The following ASTN2 variants were observed in gnomAD, a reference collection of about 807,000 sequenced individuals.
The protein encoded by ASTN2 is astrotactin 2, also known as astrotactin-2.
A neutral mutation model predicts 139.8 loss-of-function variants in ASTN2; 54 were observed. The ratio of observed to expected loss-of-function variants is 0.39; its 90% CI spans 0.31 to 0.48. ASTN2 has a LOEUF of 0.48. Ranked by LOEUF, ASTN2 falls within the 20% of genes least tolerant of loss-of-function variation. The pLI is 0.95. For missense variants in ASTN2, 1,565 were observed against 1,725.1 expected (o/e 0.91, Z 1.64); for synonymous variants, 756 against 719.5 (o/e 1.05, Z -0.81).
At chr9:116,543,558 G>C (rs1387921779) in intron 19 of ASTN2, 1 of 152,094 alleles carries the variant, frequency 6.6e-6, no homozygotes, top group Non-Finnish European at 1.5e-5. Context: ...AGTTCCACAA[G>C]GTAAAATAAC....
chr9:116,556,172 G>C (rs943255249), intron 19 of ASTN2, among the ~76,000 whole-genome samples: 1 of 152,224 alleles, frequency 6.6e-6, no homozygotes, highest in African/African-American at 2.4e-5. Context: ...GAAGCACGAG[G>C]AGTGCTCTGA....
At chr9:116,887,151 A>G (rs1242828648) in intron 10 of ASTN2, among the ~76,000 whole-genome samples, 1 of 152,124 alleles carries the variant, frequency 6.6e-6, no homozygotes, top group East Asian at 1.9e-4. Context: ...AGGTTGTTGG[A>G]TAGATTAAAT....
chr9:116,677,403 TTG>T (rs1397381513), intron 16 of ASTN2, among the ~76,000 whole-genome samples: 1 of 152,212 alleles, frequency 6.6e-6, no homozygotes, highest in Non-Finnish European at 1.5e-5. Context: ...CTGTTTTGCA[TTG>T]TGTTATCTGA....
At chr9:116,996,612 GA>G (rs1332077073) in intron 7 of ASTN2, among the ~76,000 whole-genome samples, 3 of 152,060 alleles carry the variant, frequency 2.0e-5, no homozygotes, top group Non-Finnish European at 4.4e-5. Context: ...GGGGCTGGAT[GA>G]GGAACAGATT....
intron 13 of ASTN2, among the ~76,000 whole-genome samples, chr9:116,739,567 A>G (rs1829043718): frequency 6.6e-6 from 1 of 152,170 alleles, no homozygotes; most frequent in African/African-American, 2.4e-5. Context: ...TGCCTTTGAG[A>G]ACTCTCGCTG....
chr9:117,190,946 A>G lies in ASTN2; in HGVS notation c.1015+23412T>C, dbSNP rs369020067. ...TTGCATATATCTTATTTATTGCTTTATCTTCAGTGCCTTAAATAGTTCCTG... is the reference window on the plus strand; with the variant it reads ...TTGCATATATCTTATTTATTGCTTTGTCTTCAGTGCCTTAAATAGTTCCTG... On this transcript the variant is annotated intron_variant, in intron 3 of 22. Transcript: ENST00000313400. Among the ~76,000 whole-genome samples, 73 of 152,264 alleles carry G rather than the reference A, an allele frequency of 4.8e-4. No individual in the cohort carries two copies. In the South Asian group the frequency reaches 0.014, roughly 30 times the overall value.
intron 19 of ASTN2, among the ~76,000 whole-genome samples, chr9:116,539,401 G>T (rs904025365): frequency 1.3e-5 from 2 of 151,698 alleles, no homozygotes; most frequent in African/African-American, 4.8e-5. Context: ...AAAAAGAAAT[G>T]TAACATTACT....
At chr9:116,990,304 G>A (rs1033899635) in intron 7 of ASTN2, among the ~76,000 whole-genome samples, 1 of 152,108 alleles carries the variant, frequency 6.6e-6, no homozygotes, top group African/African-American at 2.4e-5. Flanking sequence ...GTCTCGCTCT[G>A]TCACCCAGGC....
intron 16 of ASTN2, among the ~76,000 whole-genome samples, chr9:116,715,474 A>G (rs1218700494): frequency 6.6e-6 from 1 of 151,840 alleles, no homozygotes; most frequent in South Asian, 2.1e-4. Flanking sequence ...CTTCCTCCCC[A>G]CCTTCCCAGT....
At chr9:116,833,570 A>G (rs1831886554) in intron 11 of ASTN2, among the ~76,000 whole-genome samples, 1 of 152,122 alleles carries the variant, frequency 6.6e-6, no homozygotes, top group Admixed American at 6.5e-5. Flanking sequence ...TTAAAAGAAA[A>G]GGATGAATCA....
intron 20 of ASTN2, among the ~76,000 whole-genome samples, chr9:116,455,801 GAC>G (rs1848315528): frequency 6.6e-6 from 1 of 150,528 alleles, no homozygotes; most frequent in South Asian, 2.1e-4. Flanking sequence ...TTTTTGTAGA[GAC>G]ATAATTTTAT....
intron 17 of ASTN2, among the ~76,000 whole-genome samples, chr9:116,632,988 T>C (rs928272293): frequency 3.3e-5 from 5 of 152,190 alleles, no homozygotes; most frequent in Admixed American, 6.5e-5. Context: ...GAATGAATAA[T>C]AAAGTCTGAG....
At chr9:116,789,686 G>A (rs961453613) in intron 13 of ASTN2, among the ~76,000 whole-genome samples, 2 of 152,042 alleles carry the variant, frequency 1.3e-5, no homozygotes, top group Non-Finnish European at 2.9e-5. Context: ...CACATGTGTG[G>A]GCTTATTAAT....
intron 19 of ASTN2, among the ~76,000 whole-genome samples, chr9:116,529,757 T>C (rs1309548199): frequency 6.6e-6 from 1 of 151,974 alleles, no homozygotes; most frequent in Non-Finnish European, 1.5e-5. Flanking sequence ...TCTTATCGTT[T>C]AAAAGTGTGG....
At chr9:116,495,152 G>GCAAATA (rs1849631366) in intron 19 of ASTN2, among the ~76,000 whole-genome samples, 1 of 152,194 alleles carries the variant, frequency 6.6e-6, no homozygotes, top group Admixed American at 6.5e-5. Context: ...TAGTGATCTA[G>GCAAATA]CAAATACCTA....
At chr9:117,117,875 A>C (rs1434126589) in intron 4 of ASTN2, among the ~76,000 whole-genome samples, 3 of 152,116 alleles carry the variant, frequency 2.0e-5, no homozygotes, top group Non-Finnish European at 4.4e-5. Context: ...CCCAGGGTGA[A>C]CTTCGCAGGC....
chr9:117,112,592 C>T (rs1829277407), intron 4 of ASTN2, among the ~76,000 whole-genome samples: 1 of 151,992 alleles, frequency 6.6e-6, no homozygotes, highest in Non-Finnish European at 1.5e-5. Flanking sequence ...ATAGTTCATA[C>T]CATATACACA....
chr9:116,939,637 A>T (rs923224661), intron 10 of ASTN2, among the ~76,000 whole-genome samples: 1 of 152,166 alleles, frequency 6.6e-6, no homozygotes, highest in African/African-American at 2.4e-5. Flanking sequence ...AATTGAGCTA[A>T]TCACACACAC....
In ASTN2 at chr9:117,291,369, T is replaced by C; in HGVS notation, c.587A>G (p.Glu196Gly). The change falls in exon 2 of 23, where the codon GAG (glutamate) becomes GGG (glycine). Residue 196 changes from glutamate (E) to glycine (G), a missense_variant. Physicochemically the swap from Glu to Gly is moderately conservative, Grantham distance 98. Coordinates refer to ENST00000313400, the MANE Select transcript of ASTN2 (RefSeq NM_001365068.1). ...GATGTGCATCTGCTCCTCAACAATC[T>C]CCGAGGGCTCCTGGAGAGTGGGGGC... ...ATAPTLQEPS[E>G]IVEEQMHILH... 6.2e-7 allele frequency: 1 copy of C among 1,613,878 alleles called. No homozygotes were observed. Among genetic ancestry groups the C allele is most frequent in the South Asian group, 1.1e-5 (1 of 91,072 alleles).
Sources: gnomAD v4.1 joint callset for allele counts (sites outside exome capture counted in the v4.1 genomes callset) on GRCh38, gnomAD v4.1.1 for gene constraint, MANE v1.5 for transcripts, NCBI Gene and HGNC (gene_info 2026-07-23, HGNC 2026-07-21) for gene names.